UBOX5: variants seen among roughly 807,000 people sequenced by gnomAD.
UBOX5 encodes the protein RING finger protein 37.
Under a neutral mutation model 39.0 loss-of-function variants are expected in UBOX5, and 28 were observed. The observed-to-expected ratio is 0.72, with a 90% CI of 0.53 to 0.98. The LOEUF is 0.98. Among genes scored for constraint, UBOX5 ranks in the 50% least tolerant of loss-of-function variants. The probability of loss-of-function intolerance (pLI) is 0.00; values close to 1 mark genes in which losing one functional copy is unlikely to be tolerated. For synonymous variants in UBOX5, 283 were observed against 275.5 expected, an observed-to-expected ratio of 1.03 and a Z score of -0.27; for missense variants, 585 against 674.4, an observed-to-expected ratio of 0.87 and a Z score of 1.47.
chr20:3,158,219 C>T (rs1346865561), intron 1 of UBOX5, among the ~76,000 whole-genome samples: 1 of 152,118 alleles, frequency 6.6e-6, no homozygotes, highest in Non-Finnish European at 1.5e-5. Context: ...AATCCTTCCA[C>T]TTCGGCCTCC....
chr20:3,120,578 A>G (rs925351578), intron 3 of UBOX5, among the ~76,000 whole-genome samples: 1 of 149,306 alleles, frequency 6.7e-6, no homozygotes, highest in East Asian at 2.0e-4. Context: ...CCCGGAAGGC[A>G]GAGCTTGCAG....
chr20:3,145,830 G>A (rs927450162), intron 1 of UBOX5, among the ~76,000 whole-genome samples: 7 of 152,162 alleles, frequency 4.6e-5, no homozygotes, highest in Admixed American at 2.0e-4. Context: ...TGGATCATCT[G>A]AGGTCAGGAG....
chr20:3,152,884 C>T lies in UBOX5; in HGVS notation c.-42+6882G>A, dbSNP rs185107229. 4.7e-5 allele frequency among the ~76,000 whole-genome samples: 7 copies of T among 148,140 alleles called. No homozygotes were observed. In the South Asian group the frequency reaches 1.1e-3, roughly 22 times the overall value. ...TCATACTACTGCATTGCAGCCTGGGCGAAAGAGCAAGACTGTCTCAAAAAA... is the reference window on the plus strand; with the variant it reads ...TCATACTACTGCATTGCAGCCTGGGTGAAAGAGCAAGACTGTCTCAAAAAA... On this transcript the variant is annotated intron_variant, in intron 1 of 4. Transcript: ENST00000217173.
chr20:3,159,184 G>A (rs1201618421), intron 1 of UBOX5, among the ~76,000 whole-genome samples: 2 of 152,182 alleles, frequency 1.3e-5, no homozygotes, highest in Non-Finnish European at 2.9e-5. Context: ...ACTACCCTTA[G>A]GCTTGTGCAA....
At chr20:3,147,641 A>G in intron 1 of UBOX5, 3 of 1,614,256 alleles carry the variant, frequency 1.9e-6, no homozygotes, top group Non-Finnish European at 2.5e-6. Flanking sequence ...TGCCAGGCCC[A>G]GCAGGCAGGT....
chr20:3,114,430 G>A (rs776282745), intron 4 of UBOX5, among the ~76,000 whole-genome samples: 12 of 152,124 alleles, frequency 7.9e-5, no homozygotes, highest in Non-Finnish European at 1.5e-4. Context: ...AATGCCTCCC[G>A]TTGCAATCAG....
At chr20:3,115,977 G>A (rs1568468857) in intron 3 of UBOX5, among the ~76,000 whole-genome samples, 1 of 151,798 alleles carries the variant, frequency 6.6e-6, no homozygotes, top group African/African-American at 2.4e-5. Flanking sequence ...TTGGCTAGGA[G>A]ATCTCCTGAC....
At chr20:3,133,508 A>C (rs2066445480) in intron 1 of UBOX5, among the ~76,000 whole-genome samples, 1 of 152,176 alleles carries the variant, frequency 6.6e-6, no homozygotes, top group Non-Finnish European at 1.5e-5. Flanking sequence ...TCAGAGAAGT[A>C]GCTTGGAGAC....
At chr20:3,116,875 C>A (rs902446194) in intron 3 of UBOX5, among the ~76,000 whole-genome samples, 1 of 152,080 alleles carries the variant, frequency 6.6e-6, no homozygotes, top group Non-Finnish European at 1.5e-5. Context: ...ACAGGCAGAT[C>A]GCCTGAAGTC....
At position 3,110,082 on chromosome 20, in the gene UBOX5, T is replaced by G; in HGVS notation, c.*24A>C. On this transcript the variant is annotated 3_prime_UTR_variant, in exon 5 of 5. Transcript: ENST00000217173. ...CCCCTCAGCTCCTCCCAGCAATGGG[T>G]CTCCTCCAGTGGAGGTCAGTCACTC... 6.2e-7 allele frequency: 1 copy of G among 1,608,018 alleles called. No individual in the cohort carries two copies. The highest frequency in any genetic ancestry group is 8.5e-7 in the Non-Finnish European group (1 of 1,179,852).
At position 3,110,101 on chromosome 20, in the gene UBOX5, G is replaced by A. The variant is rs773607934; in HGVS notation, c.*5C>T. On this transcript the variant is annotated 3_prime_UTR_variant, in exon 5 of 5. Coordinates refer to ENST00000217173, the MANE Select transcript of UBOX5 (RefSeq NM_014948.4). ...AATGGGTCTCCTCCAGTGGAGGTCA[G>A]TCACTCAGAAGTGGACCCGCAGCAC... 4 of 1,610,478 alleles carry A rather than the reference G, an allele frequency of 2.5e-6. No individual in the cohort carries two copies.
chr20:3,147,937 T>G (rs769097830), intron 1 of UBOX5: 1 of 1,614,210 alleles, frequency 6.2e-7, no homozygotes, highest in South Asian at 1.1e-5. Flanking sequence ...GAGCTATCTC[T>G]CCAATCTGCT....
intron 1 of UBOX5, among the ~76,000 whole-genome samples, chr20:3,130,724 A>G (rs1296758699): frequency 6.7e-6 from 1 of 150,232 alleles, no homozygotes; most frequent in Non-Finnish European, 1.5e-5. Context: ...TCTTTACTAT[A>G]TGTTCAGCTG....
chr20:3,151,650 A>G (rs2066626254), intron 1 of UBOX5: 1 of 151,750 alleles, frequency 6.6e-6, no homozygotes, highest in African/African-American at 2.4e-5. Flanking sequence ...AATAAATTAA[A>G]AAAATAAAAA....
chr20:3,133,494 G>A (rs2066445373), intron 1 of UBOX5, among the ~76,000 whole-genome samples: 1 of 151,984 alleles, frequency 6.6e-6, no homozygotes. Flanking sequence ...AATGTGCCCT[G>A]CTTTCAGAGA....
chr20:3,158,461 C>CTTA (rs1555765822), intron 1 of UBOX5, among the ~76,000 whole-genome samples: 2 of 151,600 alleles, frequency 1.3e-5, no homozygotes, highest in African/African-American at 4.9e-5. Flanking sequence ...ATTTTATTTA[C>CTTA]TTATTTATTT....
intron 1 of UBOX5, among the ~76,000 whole-genome samples, chr20:3,140,673 C>G (rs975528973): frequency 6.6e-6 from 1 of 152,072 alleles, no homozygotes; most frequent in Admixed American, 6.6e-5. Context: ...CAAAAAACCA[C>G]GCTGGTTTAA....
chr20:3,140,373 T>C (rs1568478356), intron 1 of UBOX5, among the ~76,000 whole-genome samples: 2 of 152,248 alleles, frequency 1.3e-5, no homozygotes, highest in South Asian at 4.2e-4. Flanking sequence ...AAGGCACAGA[T>C]AAGCCGTCTT....
chr20:3,109,914 A>T lies in UBOX5; in HGVS notation c.*192T>A. ...GGGACATCCCCCCGCCCTCTGGCCT[A>T]TGGCTTTGTTGCCCTATTGCCACCA... On this transcript the variant is annotated 3_prime_UTR_variant, in exon 5 of 5. Transcript: ENST00000217173. 1 of 673,980 alleles carries T rather than the reference A, an allele frequency of 1.5e-6. No individual in the cohort carries two copies. Among genetic ancestry groups the T allele is most frequent in the Non-Finnish European group, 2.5e-6 (1 of 400,392 alleles). The allele number at this position is 673,980 out of a possible 1,614,324, so 41.7% of individuals were successfully genotyped here. A position where few individuals can be genotyped will look rare whatever the true frequency, so the allele number is the denominator to read the frequency against.
Sources: gnomAD v4.1 joint callset for allele counts (sites outside exome capture counted in the v4.1 genomes callset) on GRCh38, gnomAD v4.1.1 for gene constraint, MANE v1.5 for transcripts, NCBI Gene and HGNC (gene_info 2026-07-23, HGNC 2026-07-21) for gene names.